The following ZFHX3 variants were observed in gnomAD, a reference collection of about 807,000 sequenced individuals.
ZFHX3 encodes zinc finger homeobox 3.
ZFHX3 carries 42 observed loss-of-function variants against 279.1 expected under a neutral mutation model. The ratio of observed to expected loss-of-function variants is 0.15; its 90% confidence interval spans 0.12 to 0.19. ZFHX3 has a LOEUF of 0.19. Ranked by LOEUF, ZFHX3 falls within the 10% of genes least tolerant of loss-of-function variation. The pLI is 1.00. For missense variants in ZFHX3, 4,981 were observed against 4,754.0 expected, an observed-to-expected ratio of 1.05 and a Z score of -1.40; for synonymous variants, 2,293 against 1,957.8, an observed-to-expected ratio of 1.17 and a Z score of -4.52.
chr16:73,494,804 G>A (rs1182497301), intron 2 of ZFHX3, among the ~76,000 whole-genome samples: 2 of 151,846 alleles, frequency 1.3e-5, no homozygotes, highest in Non-Finnish European at 2.9e-5. Flanking sequence ...CCAACCTCAG[G>A]TGATCTGCCC....
At chr16:73,556,233 A>G (rs1762827397) in intron 2 of ZFHX3, among the ~76,000 whole-genome samples, 1 of 152,224 alleles carries the variant, frequency 6.6e-6, no homozygotes, top group Non-Finnish European at 1.5e-5. Flanking sequence ...AAAATGAGGC[A>G]CACCGAGCCC....
At chr16:73,378,072 T>C (rs769741568) in intron 3 of ZFHX3, among the ~76,000 whole-genome samples, 3 of 87,632 alleles carry the variant, frequency 3.4e-5, no homozygotes, top group Non-Finnish European at 8.8e-5. Context: ...AAAAAAAATC[T>C]TATACACATA....
intron 1 of ZFHX3, among the ~76,000 whole-genome samples, chr16:73,847,526 T>C (rs1961479688): frequency 6.6e-6 from 1 of 152,062 alleles, no homozygotes; most frequent in Non-Finnish European, 1.5e-5. Flanking sequence ...ATAATTGGCG[T>C]CAATTATAAT....
chr16:73,883,399 ATGTG>A (rs34914604), intron 1 of ZFHX3, among the ~76,000 whole-genome samples: 63,409 of 149,040 alleles, frequency 0.43, 14,976 homozygotes, highest in Non-Finnish European at 0.54. Flanking sequence ...AGCCATATAT[ATGTG>A]TGTGTGTGTG....
At chr16:73,043,743 T>C (rs930881023) in intron 1 of ZFHX3, among the ~76,000 whole-genome samples, 1 of 152,212 alleles carries the variant, frequency 6.6e-6, no homozygotes, top group African/African-American at 2.4e-5. Flanking sequence ...TCTGCACCTC[T>C]GTCCTCAGTT....
chr16:73,368,014 G>T (rs760957009), intron 3 of ZFHX3, among the ~76,000 whole-genome samples: 66 of 152,134 alleles, frequency 4.3e-4, no homozygotes, highest in Non-Finnish European at 3.2e-4. Context: ...GGGATTACAG[G>T]CATGTGCCAC....
At chr16:73,558,624 G>C (rs1294391076) in intron 2 of ZFHX3, 1 of 152,156 alleles carries the variant, frequency 6.6e-6, no homozygotes, top group Non-Finnish European at 1.5e-5. Flanking sequence ...CCACGGTGAA[G>C]GGCGAAACCT....
intron 1 of ZFHX3, among the ~76,000 whole-genome samples, chr16:73,888,720 T>G (rs1188915904): frequency 1.3e-5 from 2 of 152,188 alleles, no homozygotes; most frequent in African/African-American, 4.8e-5. Flanking sequence ...AAGATACTTC[T>G]GTGGGCAGCT....
intron 5 of ZFHX3, among the ~76,000 whole-genome samples, chr16:73,168,504 C>A (rs1028022245): frequency 6.6e-6 from 1 of 152,076 alleles, no homozygotes; most frequent in Admixed American, 6.6e-5. Flanking sequence ...AGGTCTCCTA[C>A]CCCAGCCTCC....
chr16:73,616,913 T>C (rs1001880307), intron 2 of ZFHX3, among the ~76,000 whole-genome samples: 34 of 152,198 alleles, frequency 2.2e-4, no homozygotes, highest in African/African-American at 6.0e-4. Flanking sequence ...TTCTTCCACA[T>C]GCGATTCAGA....
At chr16:73,267,218 A>T (rs143362883) in intron 4 of ZFHX3, among the ~76,000 whole-genome samples, 8 of 152,240 alleles carry the variant, frequency 5.3e-5, no homozygotes, top group African/African-American at 1.9e-4. Context: ...CTGCTGCATC[A>T]AGCACTTCAC....
intron 2 of ZFHX3, among the ~76,000 whole-genome samples, chr16:73,651,352 T>TA (rs1567542715): frequency 6.6e-6 from 1 of 151,812 alleles, no homozygotes; most frequent in Non-Finnish European, 1.5e-5. Context: ...GCAAGAATTA[T>TA]TTAAAGAGAA....
At position 72,796,423 on chromosome 16, in the gene ZFHX3, G is replaced by T. The variant is rs1184637701; in HGVS notation, c.6259C>A (p.Gln2087Lys). ...APAQPSVPLTQLSMPMELPIF... is the reference protein window; with the variant it reads ...APAQPSVPLTKLSMPMELPIF... ...GGCAGCTCCATCGGCATGGAGAGCT[G>T]GGTGAGCGGCACTGATGGCTGGGCC... Residue 2087 changes from glutamine (Q) to lysine (K), a missense_variant, in exon 9 of 10, where the codon CAG (glutamine) becomes AAG (lysine). By Grantham distance (53) the Gln-to-Lys change is moderately conservative. Around this residue, in one of 7 missense-constraint regions of ZFHX3, gnomAD observed 1,751 missense variants for 1,770.0 expected, o/e 0.99. Coordinates refer to ENST00000268489, the MANE Select transcript of ZFHX3 (RefSeq NM_006885.4). 4 of 1,611,574 alleles carry T rather than the reference G, an allele frequency of 2.5e-6. No individual in the cohort carries two copies. The highest frequency in any genetic ancestry group is 3.4e-6 in the Non-Finnish European group (4 of 1,180,004).
chr16:73,706,519 T>G (rs906250541), intron 1 of ZFHX3, among the ~76,000 whole-genome samples: 6 of 151,496 alleles, frequency 4.0e-5, no homozygotes, highest in Admixed American at 1.3e-4. Flanking sequence ...CTTTCATCCA[T>G]GGCCCTGAAG....
intron 1 of ZFHX3, among the ~76,000 whole-genome samples, chr16:73,852,641 T>C (rs1961619046): frequency 6.6e-6 from 1 of 152,154 alleles, no homozygotes; most frequent in Admixed American, 6.5e-5. Flanking sequence ...CAATCTCAGG[T>C]CCTTCAGCCC....
intron 1 of ZFHX3, among the ~76,000 whole-genome samples, chr16:72,985,208 G>T (rs1962793514): frequency 6.6e-6 from 1 of 151,960 alleles, no homozygotes; most frequent in Non-Finnish European, 1.5e-5. Flanking sequence ...GAGAAAAGGG[G>T]AACGTAAACA....
rs528815637 is a variant in ZFHX3, at chr16:73,380,145, A to T, written c.-1290-61809T>A. On this transcript the variant is annotated intron_variant, in intron 3 of 17. Transcript: ENST00000641206. ...GGTATAAAACAGAATGGAGAATGAC[A>T]TTATATAATGTTAAAAAGCACAGCT... 7.9e-5 allele frequency among the ~76,000 whole-genome samples: 12 copies of T among 152,376 alleles called. No individual in the cohort carries two copies. The South Asian group carries it at 2.5e-3, about 32-fold the overall frequency.
intron 1 of ZFHX3, among the ~76,000 whole-genome samples, chr16:73,753,600 C>T (rs1409978546): frequency 6.6e-6 from 1 of 152,178 alleles, no homozygotes; most frequent in Non-Finnish European, 1.5e-5. Context: ...TGTATTAGCC[C>T]TGCTCAGCAA....
intron 7 of ZFHX3, among the ~76,000 whole-genome samples, chr16:73,101,372 T>G (rs1966228403): frequency 6.6e-6 from 1 of 152,056 alleles, no homozygotes; most frequent in Non-Finnish European, 1.5e-5. Context: ...ATAATTACCG[T>G]GTTGAAAGGT....
Sources: allele counts gnomAD v4.1 joint callset (sites outside exome capture counted in the v4.1 genomes callset), GRCh38; gene constraint gnomAD v4.1.1; regional missense constraint gnomAD v4.1.1; transcripts MANE v1.5; gene names NCBI Gene and HGNC (gene_info 2026-07-23, HGNC 2026-07-21).